Variants in RP9 observed in about 807,000 individuals in gnomAD.
RP9 encodes RP9 pre-mRNA splicing factor, also known as retinitis pigmentosa 9 protein.
Under a neutral mutation model 32.6 loss-of-function variants are expected in RP9, and 23 were observed. The observed-to-expected ratio is 0.71, with a 90% CI of 0.51 to 1.00. The LOEUF is 1.00. Ranked by LOEUF, RP9 falls within the 50% of genes least tolerant of loss-of-function variation. The probability of loss-of-function intolerance (pLI) is 0.00; values close to 1 mark genes in which losing one functional copy is unlikely to be tolerated. For missense variants in RP9, 245 were observed against 285.3 expected (o/e 0.86, Z 1.02); for synonymous variants, 94 against 103.6 (o/e 0.91, Z 0.56).
At position 33,108,871 on chromosome 7, in the gene RP9, C is replaced by T. The variant is rs1002225011; in HGVS notation, c.152+350G>A. Among the ~76,000 whole-genome samples the T allele has an allele frequency of 2.0e-5, 3 of 152,180 alleles. 1 individual carries two copies. Among genetic ancestry groups the T allele is most frequent in the Admixed American group, 2.0e-4 (3 of 15,280 alleles). On this transcript the variant is annotated intron_variant, in intron 1 of 5. Coordinates refer to ENST00000297157, the MANE Select transcript of RP9 (RefSeq NM_203288.2). The stretch of plus-strand genomic sequence containing the variant: ...AAGAACTTAGAAGGGTAGAGGGAAA[C>T]CATATTTCCTTCCCCTACATTTGAA...
chr7:33,103,727 G>C (rs1488911992), intron 1 of RP9, among the ~76,000 whole-genome samples: 1 of 152,180 alleles, frequency 6.6e-6, no homozygotes, highest in African/African-American at 2.4e-5. Context: ...GCTGATTCAG[G>C]GGGGATCACT....
At chr7:33,098,025 TTC>T (rs1788367464) in intron 3 of RP9, among the ~76,000 whole-genome samples, 1 of 152,358 alleles carries the variant, frequency 6.6e-6, no homozygotes, top group South Asian at 2.1e-4. Context: ...CTATAAAAGC[TTC>T]TTTCTCAGGT....
intron 1 of RP9, among the ~76,000 whole-genome samples, chr7:33,108,671 A>G (rs1788536197): frequency 6.6e-6 from 1 of 152,132 alleles, no homozygotes; most frequent in South Asian, 2.1e-4. Flanking sequence ...TATTCACCAT[A>G]CATTTCCCCC....
chr7:33,102,769 G>A (rs926421719), intron 1 of RP9, among the ~76,000 whole-genome samples: 1 of 152,196 alleles, frequency 6.6e-6, no homozygotes, highest in African/African-American at 2.4e-5. Context: ...AAGGGGCTGC[G>A]TGGCAGAGGT....
At chr7:33,099,276 G>T in intron 3 of RP9, 31 bp downstream of exon 3, 8 of 1,611,038 alleles carry the variant, frequency 5.0e-6, no homozygotes, top group Non-Finnish European at 6.8e-6. Flanking sequence ...CATGTAAGTT[G>T]CATGGATTAG....
At position 33,109,267 on chromosome 7, in the gene RP9, G is replaced by C. The variant is rs1351545042; in HGVS notation, c.106C>G (p.Arg36Gly). ...TGCTGCAGCTGCTGCGCGTCGTGTCGCCGCCGCTTCTGCTCCCGACGTCGC... is the reference window on the plus strand; with the variant it reads ...TGCTGCAGCTGCTGCGCGTCGTGTCCCCGCCGCTTCTGCTCCCGACGTCGC... ...LQRRREQKRR[R>G]HDAQQLQQLK... Residue 36 changes from arginine (R) to glycine (G), a missense_variant, in exon 1 of 6, where the codon CGA becomes GGA. Arg to Gly is a moderately radical substitution (Grantham distance 125). Around this residue, in one of 2 missense-constraint regions of RP9, gnomAD observed 182 missense variants for 175.5 expected, o/e 1.04. Coordinates refer to ENST00000297157, the MANE Select transcript of RP9 (RefSeq NM_203288.2). The surrounding 1 kb of genome is among the most constrained non-coding windows in gnomAD (Gnocchi z 4.9). 3 of 1,493,288 alleles carry C rather than the reference G, an allele frequency of 2.0e-6. No individual in the cohort carries two copies. The highest frequency in any genetic ancestry group is 2.9e-5 in the African/African-American group (2 of 68,306). 92.5% of individuals were successfully genotyped at this position (1,493,288 alleles called of 1,614,324 possible). A position where few individuals can be genotyped will look rare whatever the true frequency, so the allele number is the denominator to read the frequency against.
chr7:33,100,429 G>C (rs1788407869), intron 2 of RP9, 102 bp downstream of exon 2: 1 of 1,026,340 alleles, frequency 9.7e-7, no homozygotes, highest in African/African-American at 1.6e-5. Context: ...ACAGGCTTTT[G>C]GTAAAAGGAG....
intron 1 of RP9, among the ~76,000 whole-genome samples, chr7:33,106,083 A>C (rs1010077644): frequency 6.6e-6 from 1 of 152,242 alleles, no homozygotes; most frequent in African/African-American, 2.4e-5. Flanking sequence ...CTTAAAAGTT[A>C]ACAATAGTAT....
chr7:33,102,202 T>C (rs1180074375), intron 1 of RP9, among the ~76,000 whole-genome samples: 1 of 152,222 alleles, frequency 6.6e-6, no homozygotes, highest in Non-Finnish European at 1.5e-5. Context: ...GGCTGAACAA[T>C]TCATTAATGT....
Position 33,095,318 on chromosome 7 carries a change from A to C in RP9, c.582T>G (p.His194Gln). 1 of 1,611,246 alleles carries C rather than the reference A, an allele frequency of 6.2e-7. No homozygotes were observed. Among genetic ancestry groups the C allele is most frequent in the Non-Finnish European group, 8.5e-7 (1 of 1,179,302 alleles). Reference sequence around the variant, plus strand: ...TTTTCTTTTCTTTCTTCCTTTTCTTATGCTTTTCTTTCTTCTTCTTTTTCT... The same window carrying C: ...TTTTCTTTTCTTTCTTCCTTTTCTTCTGCTTTTCTTTCTTCTTCTTTTTCT... ...KHKKKKKKEK[H>Q]KKRKKEKKKK... Residue 194 changes from histidine (H) to glutamine (Q), a missense_variant, in exon 6 of 6, where the codon CAT (histidine) becomes CAG (glutamine). Around this residue, in one of 2 missense-constraint regions of RP9, gnomAD observed 63 missense variants for 109.8 expected, o/e 0.57. Coordinates refer to ENST00000297157, the MANE Select transcript of RP9 (RefSeq NM_203288.2).
rs1047140512 is a variant in RP9, at chr7:33,109,098, C to T, written c.152+123G>A. ...CGCCCGCACCAGGCTCCTGCCGGGCCCAGCCCCCCTGCCTGCTCGCGGGGG... is the reference window on the plus strand; with the variant it reads ...CGCCCGCACCAGGCTCCTGCCGGGCTCAGCCCCCCTGCCTGCTCGCGGGGG... On this transcript the variant is annotated intron_variant, in intron 1 of 5. Transcript: ENST00000297157. The surrounding 1 kb of genome is among the most constrained non-coding windows in gnomAD (Gnocchi z 4.9). 1.0e-4 allele frequency: 137 copies of T among 1,337,244 alleles called. 1 individual carries two copies. Among genetic ancestry groups the T allele is most frequent in the Non-Finnish European group, 1.3e-4 (131 of 1,045,010 alleles). 82.8% of individuals were successfully genotyped at this position (1,337,244 alleles called of 1,614,324 possible). A position where few individuals can be genotyped will look rare whatever the true frequency, so the allele number is the denominator to read the frequency against.
intron 5 of RP9, 130 bp downstream of exon 5, chr7:33,096,363 C>T: frequency 1.4e-6 from 1 of 737,298 alleles, no homozygotes; most frequent in South Asian, 1.5e-5. Context: ...ATGACTCCTG[C>T]ACTCCACATA....
rs1424256861 is a variant in RP9, at chr7:33,109,332, C to G, written c.41G>C (p.Gly14Ala). The G allele has an allele frequency of 6.9e-7, 1 of 1,454,302 alleles. No homozygotes were observed. The highest frequency in any genetic ancestry group is 1.5e-5 in the African/African-American group (1 of 67,190). 90.1% of individuals were successfully genotyped at this position (1,454,302 alleles called of 1,614,324 possible). A position where few individuals can be genotyped will look rare whatever the true frequency, so the allele number is the denominator to read the frequency against. ...CGGCGGCTCACGCGGCCGCCGCGCG[C>G]CCGCAGCCCCCACGTCCTCGCGCCC... ...RPGREDVGAA[G>A]ARRPREPPEQ... Residue 14 changes from glycine to alanine, a missense_variant, in exon 1 of 6, where the codon GGC (glycine) becomes GCC (alanine). Gly to Ala is a moderately conservative substitution (Grantham distance 60). This residue lies in a region of RP9 where 182 missense variants were observed against 175.5 expected (regional missense o/e 1.04). Coordinates refer to ENST00000297157, the MANE Select transcript of RP9 (RefSeq NM_203288.2). This position sits in a 1 kb window ranked among gnomAD's most constrained non-coding sequence, Gnocchi z 4.9.
At chr7:33,095,501 T>C (rs1788318534) in intron 5 of RP9, 69 bp from the exon 6 acceptor site, 2 of 1,599,970 alleles carry the variant, frequency 1.3e-6, no homozygotes, top group African/African-American at 1.3e-5. Context: ...CTTAGATAAA[T>C]ATGTCATTCA....
At chr7:33,096,604 G>A (rs1263513134) in intron 4 of RP9, 50 bp from the exon 5 acceptor site, 2 of 1,235,906 alleles carry the variant, frequency 1.6e-6, no homozygotes, top group South Asian at 2.4e-5. Context: ...TGGATCACAA[G>A]TTAAATACAA....
chr7:33,100,666 A>T, intron 1 of RP9, 105 bp from the exon 2 acceptor site: 1 of 906,814 alleles, frequency 1.1e-6, no homozygotes, highest in Non-Finnish European at 1.8e-6. Flanking sequence ...AGATTTTAGC[A>T]ACAATAAGCT....
At chr7:33,100,423 G>A in intron 2 of RP9, 108 bp downstream of exon 2, 2 of 985,798 alleles carry the variant, frequency 2.0e-6, no homozygotes, top group Non-Finnish European at 3.2e-6. Flanking sequence ...AAAGAAACAG[G>A]CTTTTGGTAA....
chr7:33,098,957 G>A (rs1466191581), intron 3 of RP9, among the ~76,000 whole-genome samples: 1 of 152,130 alleles, frequency 6.6e-6, no homozygotes, highest in African/African-American at 2.4e-5. Flanking sequence ...GCAGAAAGAT[G>A]GTGTCTTAGT....
At chr7:33,099,755 C>T (rs949611877) in intron 2 of RP9, among the ~76,000 whole-genome samples, 20 of 151,996 alleles carry the variant, frequency 1.3e-4, no homozygotes, top group Non-Finnish European at 2.4e-4. Flanking sequence ...AGTTTCACTA[C>T]CTCAAAATAT....
Sources: allele counts gnomAD v4.1 joint callset (sites outside exome capture counted in the v4.1 genomes callset), GRCh38; gene constraint gnomAD v4.1.1; regional missense constraint gnomAD v4.1.1; non-coding constraint Gnocchi (gnomAD v3.1); transcripts MANE v1.5; gene names NCBI Gene and HGNC (gene_info 2026-07-23, HGNC 2026-07-21).